Variants in RMND1 observed in about 807,000 individuals in gnomAD.
The protein encoded by RMND1 is required for meiotic nuclear division 1 homolog.
Under a neutral mutation model 54.0 loss-of-function variants are expected in RMND1, and 41 were observed. The observed-to-expected ratio is 0.76, with a 90% CI of 0.59 to 0.98. RMND1 has a LOEUF of 0.98. RMND1 is among the 50% of genes least tolerant of loss of function. The pLI, the probability that RMND1 is intolerant of heterozygous loss-of-function variation, is 0.00. For missense variants in RMND1, 457 were observed against 532.0 expected (o/e 0.86, Z 1.39); for synonymous variants, 183 against 181.7 (o/e 1.01, Z -0.06).
At chr6:151,436,606 G>A (rs1239067490) in intron 2 of RMND1, 52 bp from the exon 3 acceptor site, 82 of 1,595,034 alleles carry the variant, frequency 5.1e-5, no homozygotes, top group Non-Finnish European at 6.9e-5. Context: ...TGAAGCATCT[G>A]TGACGGCTGC....
chr6:151,412,212 C>T (rs765290758), intron 10 of RMND1, among the ~76,000 whole-genome samples: 17 of 152,198 alleles, frequency 1.1e-4, no homozygotes, highest in Non-Finnish European at 1.8e-4. Context: ...ATGTTAGCCA[C>T]GCTGGCCTTG....
At chr6:151,433,374 C>A in intron 3 of RMND1, 144 bp from the exon 4 acceptor site, 1 of 484,254 alleles carries the variant, frequency 2.1e-6, no homozygotes, top group Non-Finnish European at 3.6e-6. Flanking sequence ...CATCTTTCTA[C>A]TAAGGCCTCT....
chr6:151,444,667 A>C (rs1582969659), intron 2 of RMND1: 1 of 136,810 alleles, frequency 7.3e-6, no homozygotes, highest in Non-Finnish European at 1.7e-5. Context: ...ATTTAAGTAC[A>C]AGGTACAGTT....
At chr6:151,408,147 C>T (rs531049860) in intron 10 of RMND1, among the ~76,000 whole-genome samples, 1 of 152,038 alleles carries the variant, frequency 6.6e-6, no homozygotes, top group South Asian at 2.1e-4. Context: ...AGCATACAGA[C>T]AAGCATAGCT....
intron 2 of RMND1, among the ~76,000 whole-genome samples, chr6:151,437,070 A>G (rs1780635524): frequency 6.6e-6 from 1 of 152,238 alleles, no homozygotes; most frequent in Non-Finnish European, 1.5e-5. Context: ...TGTAAATCTG[A>G]GCATGTGTCT....
rs1046157374 is a variant in RMND1, at chr6:151,452,096, G to A, written c.-95C>T. On this transcript the variant is annotated 5_prime_UTR_variant, in exon 1 of 12. Coordinates refer to ENST00000444024, the MANE Select transcript of RMND1 (RefSeq NM_017909.4). ...CTGCAGGGAAAGAGCCGCACCCCCAGCCTCTCACTACTGCAGCCAACCCAT... is the reference window on the plus strand; with the variant it reads ...CTGCAGGGAAAGAGCCGCACCCCCAACCTCTCACTACTGCAGCCAACCCAT... The A allele has an allele frequency of 9.2e-5, 16 of 174,736 alleles. No individual in the cohort carries two copies. The highest frequency in any genetic ancestry group is 1.8e-4 in the Non-Finnish European group (15 of 81,258). 10.8% of individuals were successfully genotyped at this position (174,736 alleles called of 1,614,324 possible). A position where few individuals can be genotyped will look rare whatever the true frequency, so the allele number is the denominator to read the frequency against.
intron 1 of RMND1, 36 bp downstream of exon 1, chr6:151,451,980 C>A (rs1234296777): frequency 6.5e-6 from 1 of 154,386 alleles, no homozygotes; most frequent in Admixed American, 6.5e-5. Context: ...CCAAGCCGGA[C>A]CACTCGAGCT....
In RMND1 at chr6:151,430,143, T is replaced by C; in HGVS notation, c.724A>G (p.Lys242Glu). 1 of 1,599,268 alleles carries C rather than the reference T, an allele frequency of 6.3e-7. No homozygotes were observed. Among genetic ancestry groups the C allele is most frequent in the Non-Finnish European group, 8.6e-7 (1 of 1,168,976 alleles). The stretch of plus-strand genomic sequence containing the variant: ...ACATTTTTATTTACACTTACAGTTT[T>C]GTCTTTCACATTCCAAAACACAGCA... ...GAAVFWNVKD[K>E]TMKHVMKVLE... The change falls in exon 5 of 12, where the codon AAA (lysine) becomes GAA (glutamate). Residue 242 changes from lysine (K) to glutamate (E), a missense_variant. Transcript: ENST00000444024.
intron 2 of RMND1, among the ~76,000 whole-genome samples, chr6:151,443,615 T>C (rs536847721): frequency 6.6e-6 from 1 of 152,254 alleles, no homozygotes; most frequent in African/African-American, 2.4e-5. Flanking sequence ...GCCAGAAACA[T>C]CTGATTTTCT....
intron 1 of RMND1, among the ~76,000 whole-genome samples, chr6:151,449,678 A>ACGGTCT (rs1781072443): frequency 6.7e-6 from 1 of 150,152 alleles, no homozygotes; most frequent in Non-Finnish European, 1.5e-5. Context: ...CCCTCTCCCC[A>ACGGTCT]CGGTCTCCCT....
intron 10 of RMND1, among the ~76,000 whole-genome samples, chr6:151,408,083 G>A (rs560076456): frequency 2.0e-5 from 3 of 152,186 alleles, no homozygotes; most frequent in African/African-American, 7.2e-5. Context: ...AAGAAAAGGT[G>A]GGATGCTGGT....
intron 6 of RMND1, among the ~76,000 whole-genome samples, chr6:151,426,415 C>T (rs1279727058): frequency 1.3e-5 from 2 of 152,228 alleles, no homozygotes; most frequent in South Asian, 2.1e-4. Flanking sequence ...TGTTGCCTAC[C>T]CATTTATCTT....
At chr6:151,449,767 G>C (rs976866440) in intron 1 of RMND1, among the ~76,000 whole-genome samples, 9 of 152,190 alleles carry the variant, frequency 5.9e-5, no homozygotes, top group African/African-American at 2.2e-4. Flanking sequence ...TCCTGCCTCA[G>C]CCTGCCGAGT....
At chr6:151,446,745 A>G (rs1329565461) in intron 1 of RMND1, among the ~76,000 whole-genome samples, 2 of 152,094 alleles carry the variant, frequency 1.3e-5, no homozygotes, top group African/African-American at 4.8e-5. Context: ...TCTCTACTAA[A>G]AATACAAAAA....
Position 151,422,610 on chromosome 6 carries a change from G to A in RMND1, c.938-5C>T. 7.0e-7 allele frequency: 1 copy of A among 1,437,562 alleles called. No homozygotes were observed. The highest frequency in any genetic ancestry group is 1.4e-5 in the African/African-American group (1 of 69,996). The allele number at this position is 1,437,562 out of a possible 1,614,324, so 89.1% of individuals were successfully genotyped here. On this transcript the variant is annotated splice_region_variant and splice_polypyrimidine_tract_variant and intron_variant, in intron 7 of 11. Coordinates refer to ENST00000444024, the MANE Select transcript of RMND1 (RefSeq NM_017909.4). ...CTTCCCAAATTGCCAGTTTTACTGG[G>A]AAAAAAATTAATAATGGAACATTTC...
At chr6:151,421,200 A>C in intron 9 of RMND1, 45 bp downstream of exon 9, 1 of 1,346,496 alleles carries the variant, frequency 7.4e-7, no homozygotes, top group Non-Finnish European at 1.1e-6. Context: ...TTTTCTTGAG[A>C]TTGTTAAATA....
intron 9 of RMND1, chr6:151,421,029 T>C: frequency 2.4e-6 from 1 of 415,564 alleles, no homozygotes; most frequent in Non-Finnish European, 4.4e-6. Flanking sequence ...TGAATCGTGA[T>C]CTCTTTTGCA....
chr6:151,442,841 T>C (rs1432533998), intron 2 of RMND1, among the ~76,000 whole-genome samples: 2 of 152,148 alleles, frequency 1.3e-5, no homozygotes, highest in African/African-American at 4.8e-5. Flanking sequence ...GATCCACTAT[T>C]GCTTTTAGGA....
intron 9 of RMND1, among the ~76,000 whole-genome samples, chr6:151,417,861 T>C (rs961632814): frequency 5.3e-5 from 8 of 150,662 alleles, no homozygotes; most frequent in African/African-American, 1.5e-4. Context: ...CAGGCTGGAG[T>C]ACAATGGCAT....
Sources: gnomAD v4.1 joint callset for allele counts (sites outside exome capture counted in the v4.1 genomes callset) on GRCh38, gnomAD v4.1.1 for gene constraint, MANE v1.5 for transcripts, NCBI Gene and HGNC (gene_info 2026-07-23, HGNC 2026-07-21) for gene names.